DPH1: variants seen among roughly 807,000 people sequenced by gnomAD.
DPH1 encodes the protein diphthamide biosynthesis 1.
In DPH1, 59 loss-of-function variants were observed where a neutral mutation model predicts 55.3. The ratio of observed to expected loss-of-function variants is 1.07; its 90% confidence interval spans 0.87 to 1.33. DPH1 has a LOEUF of 1.33. Among genes scored for constraint, DPH1 ranks in the 40% most tolerant of loss-of-function variants. The pLI is 0.00. For synonymous variants in DPH1, 238 were observed against 235.5 expected (o/e 1.01, Z -0.10); for missense variants, 628 against 584.8 (o/e 1.07, Z -0.76).
chr17:2,033,131 G>C (rs1279430072), intron 1 of DPH1, among the ~76,000 whole-genome samples: 1 of 152,150 alleles, frequency 6.6e-6, no homozygotes, highest in Admixed American at 6.5e-5. Context: ...GCTTCAGTCT[G>C]TCTGAGGTCT....
At position 2,033,512 on chromosome 17, in the gene DPH1, C is replaced by T; in HGVS notation, c.69C>T (p.Ala23=). ...GGRDGPGRGR[A]PRGRVANQIP... ...GCCTTATATCCATTCTAGGTCGGGCCCCTCGGGGCCGCGTGGCCAATCAGA... is the reference window on the plus strand; with the variant it reads ...GCCTTATATCCATTCTAGGTCGGGCTCCTCGGGGCCGCGTGGCCAATCAGA... Residue 23 remains alanine, a synonymous_variant, in exon 2 of 13, where the codon GCC becomes GCT. Transcript: ENST00000263083. 1 of 1,614,068 alleles carries T rather than the reference C, an allele frequency of 6.2e-7. No homozygotes were observed. The highest frequency in any genetic ancestry group is 8.5e-7 in the Non-Finnish European group (1 of 1,180,040).
At position 2,036,263 on chromosome 17, in the gene DPH1, T is replaced by A. The variant is rs1250590998; in HGVS notation, c.400+172T>A. 1.6e-5 allele frequency: 21 copies of A among 1,294,118 alleles called. No homozygotes were observed. The highest frequency in any genetic ancestry group is 2.2e-5 in the Non-Finnish European group (21 of 967,276). The allele number at this position is 1,294,118 out of a possible 1,614,324, so 80.2% of individuals were successfully genotyped here. A position where few individuals can be genotyped will look rare whatever the true frequency, so the allele number is the denominator to read the frequency against. ...CTGCAGGTAGATCTTTCCTTTGGAT[T>A]TGGTTGCCTTGGCAACGGTGCTCTG... On this transcript the variant is annotated intron_variant, in intron 4 of 12. Coordinates refer to ENST00000263083, the MANE Select transcript of DPH1 (RefSeq NM_001383.6). The surrounding 1 kb of genome is among the most constrained non-coding windows in gnomAD (Gnocchi z 4.8).
chr17:2,036,394 C>A lies in DPH1; in HGVS notation c.401-135C>A. The A allele has an allele frequency of 8.2e-7, 1 of 1,216,908 alleles. No individual in the cohort carries two copies. The highest frequency in any genetic ancestry group is 1.2e-6 in the Non-Finnish European group (1 of 866,962). The allele number at this position is 1,216,908 out of a possible 1,614,324, so 75.4% of individuals were successfully genotyped here. A position where few individuals can be genotyped will look rare whatever the true frequency, so the allele number is the denominator to read the frequency against. The stretch of plus-strand genomic sequence containing the variant: ...AAGGAGCTTCTAGGGGATCTGTGAC[C>A]CCCCTCTTCTCCTACCCTGTCCTTT... On this transcript the variant is annotated intron_variant, in intron 4 of 12. Coordinates refer to ENST00000263083, the MANE Select transcript of DPH1 (RefSeq NM_001383.6). The surrounding 1 kb of genome is among the most constrained non-coding windows in gnomAD (Gnocchi z 4.8).
In DPH1 at chr17:2,043,063, C is replaced by T; in HGVS notation, c.*477C>T. The T allele has an allele frequency of 6.2e-7, 1 of 1,613,968 alleles. No homozygotes were observed. The highest frequency in any genetic ancestry group is 8.5e-7 in the Non-Finnish European group (1 of 1,180,018). ...CTTCATTCCAGCAGCTGCACCCCAGCGTCAGGCCTACCTCAAGTTCTTGGA... is the reference window on the plus strand; with the variant it reads ...CTTCATTCCAGCAGCTGCACCCCAGTGTCAGGCCTACCTCAAGTTCTTGGA... On this transcript the variant is annotated 3_prime_UTR_variant, in exon 13 of 13. Coordinates refer to ENST00000263083, the MANE Select transcript of DPH1 (RefSeq NM_001383.6).
At chr17:2,041,362 G>A in intron 10 of DPH1, 119 bp from the exon 11 acceptor site, 1 of 1,486,054 alleles carries the variant, frequency 6.7e-7, no homozygotes, top group Non-Finnish European at 9.1e-7. Flanking sequence ...GAACCACACA[G>A]TTCCCTTCTG....
Position 2,042,207 on chromosome 17 carries a change from C to G in DPH1, c.*18+332C>G, listed in dbSNP as rs749220856. The stretch of plus-strand genomic sequence containing the variant: ...GCACCCGGTCCCCGACCCCCCGGGC[C>G]CCGAGGGCGCCAGATCAGACTTCGG... On this transcript the variant is annotated intron_variant, in intron 12 of 12. Coordinates refer to ENST00000263083, the MANE Select transcript of DPH1 (RefSeq NM_001383.6). 5 of 1,432,000 alleles carry G rather than the reference C, an allele frequency of 3.5e-6. No homozygotes were observed. The African/African-American group carries it at 7.5e-5, about 22-fold the overall frequency. The allele number at this position is 1,432,000 out of a possible 1,614,324, so 88.7% of individuals were successfully genotyped here.
At chr17:2,033,177 TG>T (rs777373810) in intron 1 of DPH1, among the ~76,000 whole-genome samples, 5 of 151,994 alleles carry the variant, frequency 3.3e-5, no homozygotes, top group Non-Finnish European at 7.4e-5. Context: ...TTTCACCTGG[TG>T]GGGGGGTGGG....
chr17:2,039,864 G>T (rs1248003884), intron 7 of DPH1, 41 bp downstream of exon 7: 3 of 1,613,258 alleles, frequency 1.9e-6, no homozygotes, highest in East Asian at 4.5e-5. Flanking sequence ...CTGGTGAGGG[G>T]TGAGATTCCC....
intron 3 of DPH1, among the ~76,000 whole-genome samples, chr17:2,035,740 G>A (rs1355851191): frequency 6.6e-6 from 1 of 152,094 alleles, no homozygotes; most frequent in Non-Finnish European, 1.5e-5. Flanking sequence ...CCTGGGTAGA[G>A]GAATGAGGGT....
At chr17:2,034,030 G>A (rs989846756) in intron 3 of DPH1, among the ~76,000 whole-genome samples, 188 bp downstream of exon 3, 16 of 152,100 alleles carry the variant, frequency 1.1e-4, no homozygotes, top group African/African-American at 3.6e-4. Flanking sequence ...CTTGCTGAGA[G>A]CCCTGCTTGT....
At position 2,030,222 on chromosome 17, in the gene DPH1, C is replaced by T. The variant is rs2067312415; in HGVS notation, c.53C>T (p.Pro18Leu). ...GAAEQGGRDG[P>L]GRGRAPRGRV... ...GCGGAGCAGGGCGGCCGAGACGGCC[C>T]TGGCAGAGGTGGGTGCTGGAACGCT... Residue 18 changes from proline (P) to leucine (L), a missense_variant, in exon 1 of 13, where the codon CCT (proline) becomes CTT (leucine). Transcript: ENST00000263083. 3 of 1,587,282 alleles carry T rather than the reference C, an allele frequency of 1.9e-6. No individual in the cohort carries two copies. Among genetic ancestry groups the T allele is most frequent in the Non-Finnish European group, 2.6e-6 (3 of 1,167,716 alleles).
At chr17:2,042,264 G>A in intron 12 of DPH1, 9 of 1,405,762 alleles carry the variant, frequency 6.4e-6, no homozygotes, top group Non-Finnish European at 8.3e-6. Context: ...AACGCACTCA[G>A]TTTCCTCCAT....
chr17:2,040,535 C>T lies in DPH1; in HGVS notation c.937C>T (p.Leu313Phe). 5 of 1,614,204 alleles carry T rather than the reference C, an allele frequency of 3.1e-6. No homozygotes were observed. Among genetic ancestry groups the T allele is most frequent in the Non-Finnish European group, 3.4e-6 (4 of 1,180,042 alleles). ...GGAATCTCGACTCCGAGCCTTGGGC[C>T]TTTCCTTTGTGAGGCTGCTGCTCTC... ...HLESRLRALG[L>F]SFVRLLLSEI... The change falls in exon 9 of 13, where the codon CTT (leucine) becomes TTT (phenylalanine). Residue 313 changes from leucine (L) to phenylalanine (F), a missense_variant. Coordinates refer to ENST00000263083, the MANE Select transcript of DPH1 (RefSeq NM_001383.6).
chr17:2,033,697 G>A (rs754153636), intron 2 of DPH1, 40 bp downstream of exon 2: 5 of 1,613,690 alleles, frequency 3.1e-6, no homozygotes, highest in Non-Finnish European at 3.4e-6. Flanking sequence ...GGGTGGAGAG[G>A]TTGCCTGGCC....
rs1398005182 is a variant in DPH1, at chr17:2,040,919, G to A, written c.1008-184G>A. 23 of 683,910 alleles carry A rather than the reference G, an allele frequency of 3.4e-5. No homozygotes were observed. The East Asian group carries it at 6.2e-4, about 19-fold the overall frequency. 42.4% of individuals were successfully genotyped at this position (683,910 alleles called of 1,614,324 possible). A position where few individuals can be genotyped will look rare whatever the true frequency, so the allele number is the denominator to read the frequency against. ...TGCCCTGGAAAGCTCATTGTCGGCA[G>A]AGGAAACAGGAGAAAACACGCAACA... is the stretch of plus-strand genomic sequence containing the variant. On this transcript the variant is annotated intron_variant, in intron 9 of 12. Coordinates refer to ENST00000263083, the MANE Select transcript of DPH1 (RefSeq NM_001383.6).
Position 2,036,146 on chromosome 17 carries a change from G to GC in DPH1, c.400+56dup. 1 of 1,601,286 alleles carries GC rather than the reference G, an allele frequency of 6.2e-7. No individual in the cohort carries two copies. Among genetic ancestry groups the GC allele is most frequent in the Admixed American group, 1.7e-5 (1 of 58,930 alleles). ...GGCGGGGCTGGCAGGGAGGCAGGCTGCACATTCATCTTCCCCATGGCAGTG... is the reference window on the plus strand; with the variant it reads ...GGCGGGGCTGGCAGGGAGGCAGGCTGCCACATTCATCTTCCCCATGGCAGTG... On this transcript the variant is annotated intron_variant, in intron 4 of 12. Transcript: ENST00000263083. The surrounding 1 kb of genome is among the most constrained non-coding windows in gnomAD (Gnocchi z 4.8).
chr17:2,040,914 C>T (rs1044239827), intron 9 of DPH1, 189 bp from the exon 10 acceptor site: 9 of 674,468 alleles, frequency 1.3e-5, no homozygotes, highest in Non-Finnish European at 2.3e-5. Flanking sequence ...AGCTCATTGT[C>T]GGCAGAGGAA....
chr17:2,041,241 G>T (rs1294293218), intron 10 of DPH1, 60 bp downstream of exon 10: 1 of 1,554,694 alleles, frequency 6.4e-7, no homozygotes, highest in African/African-American at 1.4e-5. Context: ...GTGAGGTCTG[G>T]AGTGGAGTGG....
chr17:2,036,841 G>A lies in DPH1; in HGVS notation c.565G>A (p.Ala189Thr), dbSNP rs767417481. 1.4e-5 allele frequency: 23 copies of A among 1,613,280 alleles called. No homozygotes were observed. Among genetic ancestry groups the A allele is most frequent in the South Asian group, 4.4e-5 (4 of 91,038 alleles). ...TCCCTCGTCATTCCTACAGGCAGCC[G>A]CCCAGGAGCTGAAAGCCGAGTATCG... ...IQFVSTLQAAAQELKAEYRVS... is the reference protein window; with the variant it reads ...IQFVSTLQAATQELKAEYRVS... The change falls in exon 6 of 13, where the codon GCC (alanine) becomes ACC (threonine). Residue 189 changes from alanine to threonine, a missense_variant. Physicochemically the swap from Ala to Thr is moderately conservative, Grantham distance 58. Coordinates refer to ENST00000263083, the MANE Select transcript of DPH1 (RefSeq NM_001383.6). This position sits in a 1 kb window ranked among gnomAD's most constrained non-coding sequence, Gnocchi z 4.8.
Sources: gnomAD v4.1 joint callset for allele counts (sites outside exome capture counted in the v4.1 genomes callset) on GRCh38, gnomAD v4.1.1 for gene constraint, Gnocchi (gnomAD v3.1) non-coding constraint, MANE v1.5 for transcripts, NCBI Gene and HGNC (gene_info 2026-07-23, HGNC 2026-07-21) for gene names.